Variants in PHKB observed in about 807,000 individuals in gnomAD.
PHKB encodes phosphorylase kinase regulatory subunit beta, also known as phosphorylase b kinase regulatory subunit beta.
In PHKB, 122 loss-of-function variants were observed where a neutral mutation model predicts 152.1. The ratio of observed to expected loss-of-function variants is 0.80; its 90% confidence interval spans 0.69 to 0.93. The LOEUF (loss-of-function observed/expected upper bound fraction) is 0.93. Ranked by LOEUF, PHKB falls within the 40% of genes least tolerant of loss-of-function variation. The pLI is 0.00. For synonymous variants in PHKB, 436 were observed against 464.9 expected, an observed-to-expected ratio of 0.94 and a Z score of 0.80; for missense variants, 1,304 against 1,328.4, an observed-to-expected ratio of 0.98 and a Z score of 0.29.
At chr16:47,629,195 C>T (rs1381701753) in intron 14 of PHKB, among the ~76,000 whole-genome samples, 1 of 152,162 alleles carries the variant, frequency 6.6e-6, no homozygotes, top group South Asian at 2.1e-4. Context: ...AACTAAAGAG[C>T]TTCTGCACAG....
intron 16 of PHKB, among the ~76,000 whole-genome samples, chr16:47,646,754 G>A (rs1973135870): frequency 1.3e-5 from 2 of 151,940 alleles, no homozygotes; most frequent in African/African-American, 4.8e-5. Context: ...ATTATTTCTA[G>A]AGGGTGACCA....
chr16:47,483,445 A>C (rs1168958034), intron 1 of PHKB, among the ~76,000 whole-genome samples: 1 of 152,182 alleles, frequency 6.6e-6, no homozygotes, highest in African/African-American at 2.4e-5. Flanking sequence ...TTTAAGCCTT[A>C]GAAGTTTGGA....
chr16:47,483,372 A>G (rs530300467), intron 1 of PHKB, among the ~76,000 whole-genome samples: 1 of 152,210 alleles, frequency 6.6e-6, no homozygotes, highest in South Asian at 2.1e-4. Flanking sequence ...TTAAAGTAGT[A>G]TATAGTGAAG....
At chr16:47,657,218 A>G (rs1026027597) in intron 20 of PHKB, among the ~76,000 whole-genome samples, 1 of 152,160 alleles carries the variant, frequency 6.6e-6, no homozygotes. Flanking sequence ...CTGCATCCCC[A>G]GAGTACTCTC....
intron 20 of PHKB, among the ~76,000 whole-genome samples, chr16:47,651,686 G>C (rs1973240125): frequency 6.6e-6 from 1 of 152,056 alleles, no homozygotes; most frequent in Admixed American, 6.5e-5. Flanking sequence ...ATTCCATGGG[G>C]TCTTTCACAT....
At position 47,641,124 on chromosome 16, in the gene PHKB, T is replaced by TGGGGA. The variant is rs748524532; in HGVS notation, c.1514+50_1514+54dup. The TGGGGA allele has an allele frequency of 2.0e-6, 3 of 1,533,940 alleles. No individual in the cohort carries two copies. The African/African-American group carries it at 4.1e-5, about 21-fold the overall frequency. ...TCCAAGTGGGTGGTGTGTTTTTTTG[T>TGGGGA]GGGGAGGGGAGGGGAGGGGAAATGA... On this transcript the variant is annotated intron_variant, in intron 15 of 30. Transcript: ENST00000323584.
chr16:47,644,149 C>A (rs548406794), intron 16 of PHKB, among the ~76,000 whole-genome samples: 26 of 152,216 alleles, frequency 1.7e-4, no homozygotes, highest in Non-Finnish European at 2.6e-4. Flanking sequence ...TTTTACCATA[C>A]ATTTATTTCT....
intron 6 of PHKB, among the ~76,000 whole-genome samples, chr16:47,535,930 G>T (rs374592154): frequency 6.6e-6 from 1 of 152,110 alleles, no homozygotes; most frequent in African/African-American, 2.4e-5. Flanking sequence ...TTCAAAGCAA[G>T]GTAACAGAAA....
chr16:47,497,976 TTTGTTTTTCAATG>T (rs1273227641), intron 2 of PHKB, among the ~76,000 whole-genome samples: 1 of 152,184 alleles, frequency 6.6e-6, no homozygotes, highest in Non-Finnish European at 1.5e-5. Context: ...CCTTGCAAAT[TTTGTTTTTCAATG>T]TGAGTAAGCA....
rs770841932 is a variant in PHKB at position 47,515,537 on chromosome 16, T to C, written c.530T>C (p.Leu177Pro). Residue 177 changes from leucine to proline, a missense_variant, in exon 6 of 31, where the codon CTT becomes CCT. Transcript: ENST00000323584. ...TTGTTGCAGATAAATGCAGTGTCAC[T>C]TTATCTCCTTTACCTTGTGGAAATG... ...YGHLQINAVS[L>P]YLLYLVEMIS... The C allele has an allele frequency of 7.5e-6, 11 of 1,465,258 alleles. No homozygotes were observed. The highest frequency in any genetic ancestry group is 1.4e-5 in the African/African-American group (1 of 72,110). The allele number at this position is 1,465,258 out of a possible 1,614,324, so 90.8% of individuals were successfully genotyped here.
chr16:47,583,290 T>A (rs1302910464), intron 8 of PHKB, among the ~76,000 whole-genome samples: 2 of 152,260 alleles, frequency 1.3e-5, no homozygotes, highest in Non-Finnish European at 2.9e-5. Flanking sequence ...AAATTAATAA[T>A]GTGCCTGCTA....
intron 16 of PHKB, among the ~76,000 whole-genome samples, chr16:47,642,531 G>A (rs1765515103): frequency 6.6e-6 from 1 of 152,180 alleles, no homozygotes; most frequent in African/African-American, 2.4e-5. Flanking sequence ...TCAGTGTTTA[G>A]TAGAAGTCTT....
At chr16:47,546,920 G>T (rs942402202) in intron 6 of PHKB, among the ~76,000 whole-genome samples, 4 of 152,148 alleles carry the variant, frequency 2.6e-5, no homozygotes, top group Admixed American at 2.6e-4. Flanking sequence ...CAAGGTGCAG[G>T]ATATAATCTC....
At chr16:47,468,740 T>C (rs1482456080) in intron 1 of PHKB, among the ~76,000 whole-genome samples, 3 of 152,236 alleles carry the variant, frequency 2.0e-5, no homozygotes, top group Non-Finnish European at 4.4e-5. Context: ...GGCTTTTGCC[T>C]GCCCCTCTGA....
chr16:47,526,365 G>A lies in PHKB; in HGVS notation c.594+10764G>A, dbSNP rs575261538. On this transcript the variant is annotated intron_variant, in intron 6 of 30. Transcript: ENST00000323584. Reference sequence around the variant, plus strand: ...GCAGAGTTTGCAGTGAGCCGAGATCGTGCCATTGCACTCCAGCCCGGGCGA... The same window carrying A: ...GCAGAGTTTGCAGTGAGCCGAGATCATGCCATTGCACTCCAGCCCGGGCGA... Among the ~76,000 whole-genome samples, 43 of 151,852 alleles carry A rather than the reference G, an allele frequency of 2.8e-4. 1 individual carries two copies. The highest frequency in any genetic ancestry group is 4.9e-4 in the Non-Finnish European group (33 of 68,000).
Position 47,499,847 on chromosome 16 carries a change from C to G in PHKB, c.258C>G (p.Asp86Glu), listed in dbSNP as rs147357783. 5.0e-6 allele frequency: 8 copies of G among 1,614,172 alleles called. No homozygotes were observed. The highest frequency in any genetic ancestry group is 6.8e-6 in the Non-Finnish European group (8 of 1,180,012). Reference protein sequence around the residue: ...CGGDQKAKIQDSLYCAAGAWA... With the variant: ...CGGDQKAKIQESLYCAAGAWA... ...GTGACCAGAAGGCCAAGATCCAGGA[C>G]AGCCTATACTGCGCTGCTGGGGCCT... is the stretch of plus-strand genomic sequence containing the variant. Residue 86 changes from aspartate (D) to glutamate (E), a missense_variant, in exon 3 of 31, where the codon GAC (aspartate) becomes GAG (glutamate). Asp to Glu is a conservative substitution (Grantham distance 45). Coordinates refer to ENST00000323584, the MANE Select transcript of PHKB (RefSeq NM_000293.3).
In PHKB at chr16:47,618,222, A is replaced by G. The variant is rs142207478; in HGVS notation, c.1458+7302A>G. ...TTTTATTTGCCATCTTTTACACTAG[A>G]AATGTATTTAAATACCTTGTTGTCT... On this transcript the variant is annotated intron_variant, in intron 14 of 30. Coordinates refer to ENST00000323584, the MANE Select transcript of PHKB (RefSeq NM_000293.3). 7.6e-3 allele frequency among the ~76,000 whole-genome samples: 1,158 copies of G among 152,256 alleles called. 19 individuals are homozygous for G. Among genetic ancestry groups the G allele is most frequent in the African/African-American group, 0.026 (1,093 of 41,550 alleles).
At chr16:47,677,912 CT>C (rs910823496) in intron 26 of PHKB, among the ~76,000 whole-genome samples, 2 of 125,510 alleles carry the variant, frequency 1.6e-5, no homozygotes, top group African/African-American at 5.9e-5. Context: ...AATGCTATCC[CT>C]CCCCCCTCCC....
chr16:47,532,169 A>G (rs1970872431), intron 6 of PHKB, among the ~76,000 whole-genome samples: 1 of 152,254 alleles, frequency 6.6e-6, no homozygotes, highest in Admixed American at 6.5e-5. Context: ...TTGTGTAACA[A>G]GAGTTAGATA....
Sources: allele counts gnomAD v4.1 joint callset (sites outside exome capture counted in the v4.1 genomes callset), GRCh38; gene constraint gnomAD v4.1.1; transcripts MANE v1.5; gene names NCBI Gene and HGNC (gene_info 2026-07-23, HGNC 2026-07-21).